Variants in TRDN observed in about 807,000 individuals in gnomAD.
The protein encoded by TRDN is triadin in skeletal muscle.
In TRDN, 161 loss-of-function variants were observed where a neutral mutation model predicts 149.7. The ratio of observed to expected loss-of-function variants is 1.08; its 90% CI spans 0.95 to 1.23. The LOEUF is 1.23. Ranked by LOEUF, TRDN falls within the 50% of genes most tolerant of loss-of-function variation. The pLI, the probability that TRDN is intolerant of heterozygous loss-of-function variation, is 0.00. For synonymous variants in TRDN, 294 were observed against 250.5 expected, an observed-to-expected ratio of 1.17 and a Z score of -1.64; for missense variants, 896 against 823.5, an observed-to-expected ratio of 1.09 and a Z score of -1.08.
In TRDN at chr6:123,218,440, C is replaced by A. The variant is rs989928314; in HGVS notation, c.*161G>T. The A allele has an allele frequency of 3.2e-5, 23 of 717,086 alleles. No individual in the cohort carries two copies. The highest frequency in any genetic ancestry group is 5.1e-5 in the Non-Finnish European group (23 of 448,068). The allele number at this position is 717,086 out of a possible 1,614,324, so 44.4% of individuals were successfully genotyped here. A position where few individuals can be genotyped will look rare whatever the true frequency, so the allele number is the denominator to read the frequency against. On this transcript the variant is annotated 3_prime_UTR_variant, in exon 41 of 41. Coordinates refer to ENST00000334268, the MANE Select transcript of TRDN (RefSeq NM_006073.4). ...GACCCTTAAACATGTCTGCTCATCA[C>A]TCAATCCATTTGGCCACCCTTTCCG... is the stretch of plus-strand genomic sequence containing the variant.
chr6:123,333,926 A>C (rs1435642612), intron 22 of TRDN, among the ~76,000 whole-genome samples: 1 of 152,086 alleles, frequency 6.6e-6, no homozygotes, highest in Non-Finnish European at 1.5e-5. Flanking sequence ...GCTGGGATAT[A>C]AAGTGGAACT....
chr6:123,565,762 G>A (rs1782260275), intron 2 of TRDN, among the ~76,000 whole-genome samples: 1 of 152,350 alleles, frequency 6.6e-6, no homozygotes, highest in East Asian at 1.9e-4. Flanking sequence ...CACTGGGCTG[G>A]CTTCTTCAGC....
intron 12 of TRDN, among the ~76,000 whole-genome samples, chr6:123,413,595 C>T (rs1480189941): frequency 6.6e-6 from 1 of 152,032 alleles, no homozygotes; most frequent in Non-Finnish European, 1.5e-5. Context: ...GTGAATTCTC[C>T]AGGAATAAAT....
intron 38 of TRDN, among the ~76,000 whole-genome samples, chr6:123,243,159 C>G (rs1164471889): frequency 6.6e-6 from 1 of 152,074 alleles, no homozygotes; most frequent in Non-Finnish European, 1.5e-5. Flanking sequence ...CTATGCCACT[C>G]TATTGAGAGT....
chr6:123,543,660 T>G (rs963312313), intron 4 of TRDN, among the ~76,000 whole-genome samples: 3 of 152,130 alleles, frequency 2.0e-5, no homozygotes, highest in African/African-American at 7.2e-5. Context: ...TTTTTCATCA[T>G]AAGTTGAAGG....
At chr6:123,498,757 G>A in intron 8 of TRDN, 1 of 369,494 alleles carries the variant, frequency 2.7e-6, no homozygotes, top group Admixed American at 3.5e-5. Context: ...CTAAGACAAA[G>A]CAAGATGAAA....
chr6:123,607,904 G>T (rs1784594400), intron 1 of TRDN, among the ~76,000 whole-genome samples: 1 of 148,142 alleles, frequency 6.8e-6, no homozygotes, highest in South Asian at 2.1e-4. Context: ...GCCCAGCCTG[G>T]TCTTGAACTC....
rs150245681 is a variant in TRDN at position 123,330,798 on chromosome 6, G to A, written c.1471+1081C>T. On this transcript the variant is annotated intron_variant, in intron 23 of 40. Coordinates refer to ENST00000334268, the MANE Select transcript of TRDN (RefSeq NM_006073.4). ...TACATTGCTACACTCACTAATGGTG[G>A]CTCTCCATGCATCCTTCATTCCTCT... is the stretch of plus-strand genomic sequence containing the variant. 1.3e-3 allele frequency among the ~76,000 whole-genome samples: 205 copies of A among 152,076 alleles called. 1 individual carries two copies. Among genetic ancestry groups the A allele is most frequent in the African/African-American group, 4.7e-3 (197 of 41,518 alleles).
intron 8 of TRDN, chr6:123,502,505 A>G (rs1778742835): frequency 2.2e-6 from 2 of 923,998 alleles, no homozygotes; most frequent in Admixed American, 1.2e-4. Context: ...ATATATTTTT[A>G]AAATATGTAT....
chr6:123,624,537 C>T (rs1222059924), intron 1 of TRDN, among the ~76,000 whole-genome samples: 2 of 152,156 alleles, frequency 1.3e-5, no homozygotes, highest in Non-Finnish European at 2.9e-5. Flanking sequence ...ACTTTCTGCT[C>T]ACATTTTCAG....
intron 1 of TRDN, among the ~76,000 whole-genome samples, chr6:123,595,605 G>A (rs1783999272): frequency 6.6e-6 from 1 of 152,102 alleles, no homozygotes; most frequent in East Asian, 1.9e-4. Flanking sequence ...AAGTCCATTG[G>A]CATCATTTTT....
At chr6:123,409,690 T>TACACACAC (rs5879677) in intron 12 of TRDN, among the ~76,000 whole-genome samples, 129 of 149,412 alleles carry the variant, frequency 8.6e-4, no homozygotes, top group South Asian at 2.8e-3. Context: ...TAATGTAATT[T>TACACACAC]ACACACACAC....
At chr6:123,299,375 T>G (rs1473121388) in intron 24 of TRDN, among the ~76,000 whole-genome samples, 1 of 152,050 alleles carries the variant, frequency 6.6e-6, no homozygotes, top group Non-Finnish European at 1.5e-5. Context: ...ATTTGTCACA[T>G]CCATATCAGC....
intron 9 of TRDN, among the ~76,000 whole-genome samples, chr6:123,472,785 C>T (rs948287932): frequency 3.9e-5 from 6 of 152,176 alleles, no homozygotes; most frequent in Non-Finnish European, 7.4e-5. Context: ...GTCCCTGACC[C>T]CTGACCCCCG....
chr6:123,408,908 C>T (rs1185168396), intron 12 of TRDN, among the ~76,000 whole-genome samples: 1 of 152,104 alleles, frequency 6.6e-6, no homozygotes, highest in Non-Finnish European at 1.5e-5. Flanking sequence ...ACAAAAGCAG[C>T]TCAGGGTCAA....
At chr6:123,541,422 G>A (rs769077524) in intron 4 of TRDN, among the ~76,000 whole-genome samples, 1 of 152,090 alleles carries the variant, frequency 6.6e-6, no homozygotes, top group Non-Finnish European at 1.5e-5. Flanking sequence ...TTACTTCTTA[G>A]CAACTACCTG....
At chr6:123,383,855 G>C (rs979150943) in intron 14 of TRDN, among the ~76,000 whole-genome samples, 1 of 151,948 alleles carries the variant, frequency 6.6e-6, no homozygotes, top group African/African-American at 2.4e-5. Flanking sequence ...TGTTTTATTT[G>C]TAAGGGGAAA....
chr6:123,541,419 T>C (rs1290762722), intron 4 of TRDN, among the ~76,000 whole-genome samples: 1 of 152,166 alleles, frequency 6.6e-6, no homozygotes, highest in African/African-American at 2.4e-5. Context: ...AGTTTACTTC[T>C]TAGCAACTAC....
At chr6:123,604,699 G>C (rs1002459652) in intron 1 of TRDN, among the ~76,000 whole-genome samples, 6 of 152,094 alleles carry the variant, frequency 3.9e-5, no homozygotes, top group African/African-American at 2.4e-5. Context: ...AGGAAACAGT[G>C]TCTGCAGGAC....
Sources: gnomAD v4.1 joint callset for allele counts (sites outside exome capture counted in the v4.1 genomes callset) on GRCh38, gnomAD v4.1.1 for gene constraint, MANE v1.5 for transcripts, NCBI Gene and HGNC (gene_info 2026-07-23, HGNC 2026-07-21) for gene names.